The following TTC7B variants were observed in gnomAD, a reference collection of about 807,000 sequenced individuals.
TTC7B encodes the protein tetratricopeptide repeat domain 7B.
In TTC7B, 28 loss-of-function variants were observed where a neutral mutation model predicts 106.8. The observed-to-expected ratio is 0.26, with a 90% CI of 0.19 to 0.36. TTC7B has a LOEUF of 0.36. TTC7B is among the 10% of genes least tolerant of loss of function. TTC7B has a pLI of 1.00. For synonymous variants in TTC7B, 405 were observed against 430.6 expected (o/e 0.94, Z 0.74); for missense variants, 862 against 1,076.4 (o/e 0.80, Z 2.79).
At chr14:90,574,594 GAATACTAA>G (rs1223612754) in intron 19 of TTC7B, among the ~76,000 whole-genome samples, 16 of 152,326 alleles carry the variant, frequency 1.1e-4, no homozygotes, top group African/African-American at 3.6e-4. Context: ...TACTGTTCAT[GAATACTAA>G]AGTCACTCTT....
At chr14:90,665,363 G>A (rs377518969) in intron 9 of TTC7B, among the ~76,000 whole-genome samples, 4 of 152,160 alleles carry the variant, frequency 2.6e-5, no homozygotes, top group East Asian at 1.9e-4. Context: ...TTGCGAAAAC[G>A]TTTCCTTTTG....
chr14:90,559,746 C>T (rs1427212375), intron 19 of TTC7B, among the ~76,000 whole-genome samples: 1 of 152,226 alleles, frequency 6.6e-6, no homozygotes, highest in African/African-American at 2.4e-5. Context: ...ATCCTATATG[C>T]TGGGCAGGTG....
intron 3 of TTC7B, among the ~76,000 whole-genome samples, chr14:90,777,925 A>T (rs531138482): frequency 2.0e-5 from 3 of 152,300 alleles, no homozygotes; most frequent in Admixed American, 2.0e-4. Context: ...TATGTGTGCT[A>T]TCTCATGCAG....
At chr14:90,709,427 A>G (rs1358995465) in intron 5 of TTC7B, among the ~76,000 whole-genome samples, 1 of 150,526 alleles carries the variant, frequency 6.6e-6, no homozygotes, top group Non-Finnish European at 1.5e-5. Flanking sequence ...TCAGCAAACT[A>G]TCACAAGGAC....
At chr14:90,733,743 G>A (rs1231059339) in intron 4 of TTC7B, among the ~76,000 whole-genome samples, 3 of 152,192 alleles carry the variant, frequency 2.0e-5, no homozygotes, top group Non-Finnish European at 4.4e-5. Flanking sequence ...AAAGACCGAG[G>A]CGCGAGGTCT....
In TTC7B at chr14:90,530,682, C is replaced by T. The variant is rs891231480; in HGVS notation, c.*10686G>A. 1 of 152,228 alleles carries T rather than the reference C, an allele frequency of 6.6e-6. No homozygotes were observed. Among genetic ancestry groups the T allele is most frequent in the Non-Finnish European group, 1.5e-5 (1 of 68,058 alleles). 9.4% of individuals were successfully genotyped at this position (152,228 alleles called of 1,614,324 possible). A position where few individuals can be genotyped will look rare whatever the true frequency, so the allele number is the denominator to read the frequency against. Reference sequence around the variant, plus strand: ...TGCCACTGCCGGCAGTGAACATGGCCATGAGCCAAGCACACCCCTGAGAAA... The same window carrying T: ...TGCCACTGCCGGCAGTGAACATGGCTATGAGCCAAGCACACCCCTGAGAAA... On this transcript the variant is annotated 3_prime_UTR_variant, in exon 20 of 20. Coordinates refer to ENST00000328459, the MANE Select transcript of TTC7B (RefSeq NM_001010854.2).
intron 19 of TTC7B, among the ~76,000 whole-genome samples, chr14:90,555,662 T>C (rs982459923): frequency 2.0e-5 from 3 of 152,282 alleles, no homozygotes; most frequent in Middle Eastern, 3.4e-3. Flanking sequence ...TTGGGATTAA[T>C]GGTGTGGTGA....
rs546555052 is a variant in TTC7B, at chr14:90,534,121, C to A, written c.*7247G>T. On this transcript the variant is annotated 3_prime_UTR_variant, in exon 20 of 20. Transcript: ENST00000328459. The stretch of plus-strand genomic sequence containing the variant: ...GTGCAGAGCTGGAGTGGGTCCCCCA[C>A]GGTGTGACCTTGAGGGGGGGCCTCA... 1 of 152,450 alleles carries A rather than the reference C, an allele frequency of 6.6e-6. No homozygotes were observed. Among genetic ancestry groups the A allele is most frequent in the Admixed American group, 6.5e-5 (1 of 15,294 alleles). 9.4% of individuals were successfully genotyped at this position (152,450 alleles called of 1,614,324 possible).
At chr14:90,734,421 C>CA (rs34498613) in intron 4 of TTC7B, among the ~76,000 whole-genome samples, 45,766 of 119,522 alleles carry the variant, frequency 0.38, 8,172 homozygotes, top group Non-Finnish European at 0.45. Flanking sequence ...CTCTGTCTCC[C>CA]AAAAAAAAAA....
Position 90,541,169 on chromosome 14 carries a change from G to C in TTC7B, c.*199C>G, listed in dbSNP as rs991838429. On this transcript the variant is annotated 3_prime_UTR_variant, in exon 20 of 20. Coordinates refer to ENST00000328459, the MANE Select transcript of TTC7B (RefSeq NM_001010854.2). ...TCAATAGGTTCAGAAACTACCATTG[G>C]GCTGGCAAAAAAAACAAGAGAAACG... 8.2e-6 allele frequency: 4 copies of C among 489,534 alleles called. No individual in the cohort carries two copies. The highest frequency in any genetic ancestry group is 3.5e-5 in the Admixed American group (1 of 28,410). The allele number at this position is 489,534 out of a possible 1,614,324, so 30.3% of individuals were successfully genotyped here. A position where few individuals can be genotyped will look rare whatever the true frequency, so the allele number is the denominator to read the frequency against.
At chr14:90,616,631 GGTCT>G (rs1190505342) in intron 16 of TTC7B, among the ~76,000 whole-genome samples, 1 of 152,174 alleles carries the variant, frequency 6.6e-6, no homozygotes, top group Non-Finnish European at 1.5e-5. Flanking sequence ...TGGGGTCACG[GGTCT>G]GTCTATCAGT....
chr14:90,592,125 C>A (rs1246205532), intron 18 of TTC7B, among the ~76,000 whole-genome samples: 2 of 152,164 alleles, frequency 1.3e-5, no homozygotes, highest in South Asian at 4.1e-4. Context: ...GTTTTCAATG[C>A]GAAGGCCTGC....
intron 15 of TTC7B, among the ~76,000 whole-genome samples, chr14:90,618,533 C>T (rs1013817600): frequency 3.9e-5 from 6 of 152,224 alleles, no homozygotes; most frequent in African/African-American, 1.4e-4. Flanking sequence ...GGGCAGCCTC[C>T]GGCATAGGCC....
chr14:90,559,654 G>A (rs987785449), intron 19 of TTC7B, among the ~76,000 whole-genome samples: 3 of 137,312 alleles, frequency 2.2e-5, no homozygotes, highest in African/African-American at 4.9e-5. Context: ...CAACACACAC[G>A]ATTCTCACAA....
At chr14:90,614,020 T>TG (rs1211601199) in intron 16 of TTC7B, among the ~76,000 whole-genome samples, 1 of 152,238 alleles carries the variant, frequency 6.6e-6, no homozygotes. Flanking sequence ...GTCAGAACCC[T>TG]GGAGCTCTTG....
chr14:90,743,143 C>A (rs1366875039), intron 4 of TTC7B, among the ~76,000 whole-genome samples: 1 of 152,198 alleles, frequency 6.6e-6, no homozygotes, highest in East Asian at 1.9e-4. Context: ...CTCATAGCAA[C>A]CTTCTGATAG....
intron 11 of TTC7B, among the ~76,000 whole-genome samples, chr14:90,656,918 T>TA (rs930155018): frequency 6.6e-6 from 1 of 152,218 alleles, no homozygotes; most frequent in African/African-American, 2.4e-5. Context: ...TTCTGTCTTA[T>TA]TATCATTATT....
At position 90,600,351 on chromosome 14, in the gene TTC7B, G is replaced by A. The variant is rs1892374815; in HGVS notation, c.1967-6725C>T. 6.6e-6 allele frequency among the ~76,000 whole-genome samples: 1 copy of A among 152,240 alleles called. No homozygotes were observed. Among genetic ancestry groups the A allele is most frequent in the Middle Eastern group, 3.4e-3 (1 of 294 alleles). On this transcript the variant is annotated intron_variant, in intron 17 of 19. Coordinates refer to ENST00000328459, the MANE Select transcript of TTC7B (RefSeq NM_001010854.2). This position sits in a 1 kb window ranked among gnomAD's most constrained non-coding sequence, Gnocchi z 4.3. ...TCCTCTCCATCTGCTGCTTCCCTGGGAGCTGCCCTCGCGCCTTGTGTCCCC... is the reference window on the plus strand; with the variant it reads ...TCCTCTCCATCTGCTGCTTCCCTGGAAGCTGCCCTCGCGCCTTGTGTCCCC...
At chr14:90,784,094 C>T (rs1891301921) in intron 2 of TTC7B, among the ~76,000 whole-genome samples, 1 of 152,088 alleles carries the variant, frequency 6.6e-6, no homozygotes, top group African/African-American at 2.4e-5. Context: ...AGATCTCTCC[C>T]CTCACACCTC....
Sources: allele counts gnomAD v4.1 joint callset (sites outside exome capture counted in the v4.1 genomes callset), GRCh38; gene constraint gnomAD v4.1.1; non-coding constraint Gnocchi (gnomAD v3.1); transcripts MANE v1.5; gene names NCBI Gene and HGNC (gene_info 2026-07-23, HGNC 2026-07-21).